FER: variants seen among roughly 807,000 people sequenced by gnomAD.
FER encodes the protein tyrosine-protein kinase Fer.
In FER, 63 loss-of-function variants were observed where a neutral mutation model predicts 111.0. That is an observed-to-expected ratio of 0.57 (90% CI 0.46 to 0.70). FER has a LOEUF of 0.70. FER is among the 30% of genes least tolerant of loss of function. The probability of loss-of-function intolerance (pLI) is 0.00; values close to 1 mark genes in which losing one functional copy is unlikely to be tolerated. For missense variants in FER, 914 were observed against 954.0 expected (o/e 0.96, Z 0.55); for synonymous variants, 327 against 313.9 (o/e 1.04, Z -0.44).
chr5:109,014,150 C>T (rs1352129468), intron 13 of FER, among the ~76,000 whole-genome samples: 1 of 151,246 alleles, frequency 6.6e-6, no homozygotes, highest in Non-Finnish European at 1.5e-5. Flanking sequence ...GACATGAAGT[C>T]CTTGCCCATG....
At chr5:108,978,684 C>G (rs1256653388) in intron 13 of FER, among the ~76,000 whole-genome samples, 1 of 152,064 alleles carries the variant, frequency 6.6e-6, no homozygotes, top group Non-Finnish European at 1.5e-5. Flanking sequence ...AATAAATATG[C>G]GTTGAGAGAA....
intron 9 of FER, among the ~76,000 whole-genome samples, chr5:108,892,632 A>G (rs922822813): frequency 2.0e-5 from 3 of 151,974 alleles, no homozygotes; most frequent in Admixed American, 6.6e-5. Flanking sequence ...GTTCACTCTG[A>G]TGGTAGTTTC....
intron 17 of FER, among the ~76,000 whole-genome samples, chr5:109,166,098 G>A (rs772459344): frequency 7.2e-5 from 11 of 151,878 alleles, no homozygotes; most frequent in Non-Finnish European, 1.3e-4. Context: ...GCACAACATT[G>A]GGACCAACCC....
chr5:108,887,840 C>G lies in FER; in HGVS notation c.1046+4322C>G, dbSNP rs374073553. 5.9e-5 allele frequency among the ~76,000 whole-genome samples: 9 copies of G among 151,700 alleles called. No individual in the cohort carries two copies. In the East Asian group the frequency reaches 1.4e-3, roughly 23 times the overall value. On this transcript the variant is annotated intron_variant, in intron 9 of 19. Coordinates refer to ENST00000281092, the MANE Select transcript of FER (RefSeq NM_005246.4). ...AGAAAAAAGTTATGGGAAAAAATAC[C>G]AAGCATATGTCATTTATGACTTGGT...
intron 1 of FER, among the ~76,000 whole-genome samples, chr5:108,767,498 G>C (rs1348970160): frequency 6.6e-6 from 1 of 151,986 alleles, no homozygotes; most frequent in African/African-American, 2.4e-5. Context: ...AGACTTTTTC[G>C]GTTTTTGAGA....
chr5:109,118,976 T>G (rs1349599207), intron 17 of FER, among the ~76,000 whole-genome samples: 2 of 152,048 alleles, frequency 1.3e-5, no homozygotes, highest in African/African-American at 4.8e-5. Context: ...ATTCATTGAT[T>G]TTTTTGAAGG....
At chr5:109,180,279 G>C (rs1758147942) in intron 17 of FER, among the ~76,000 whole-genome samples, 1 of 152,176 alleles carries the variant, frequency 6.6e-6, no homozygotes, top group Non-Finnish European at 1.5e-5. Flanking sequence ...AGTCTACTCA[G>C]TATCTACTAG....
intron 2 of FER, among the ~76,000 whole-genome samples, chr5:108,793,519 C>CGGCGG (rs1554065855): frequency 2.9e-5 from 3 of 103,156 alleles, no homozygotes; most frequent in African/African-American, 4.4e-5. Flanking sequence ...TTTGGCGGGG[C>CGGCGG]GGGGGGGGTG....
chr5:108,861,527 A>G (rs943212464), intron 5 of FER, among the ~76,000 whole-genome samples: 3 of 152,196 alleles, frequency 2.0e-5, no homozygotes, highest in African/African-American at 7.2e-5. Context: ...GTTGATTGAC[A>G]TGTAGAACAC....
intron 5 of FER, among the ~76,000 whole-genome samples, chr5:108,865,971 C>T (rs1415802666): frequency 6.6e-6 from 1 of 152,184 alleles, no homozygotes; most frequent in Non-Finnish European, 1.5e-5. Flanking sequence ...AATAGGAACA[C>T]TTTTACACTG....
chr5:109,170,588 G>A (rs566034680), intron 17 of FER, among the ~76,000 whole-genome samples: 1 of 152,262 alleles, frequency 6.6e-6, no homozygotes, highest in African/African-American at 2.4e-5. Context: ...AGGGATAATA[G>A]GTTAAGTTCC....
At chr5:109,170,891 G>A (rs545040414) in intron 17 of FER, among the ~76,000 whole-genome samples, 4 of 152,270 alleles carry the variant, frequency 2.6e-5, no homozygotes, top group Admixed American at 6.5e-5. Flanking sequence ...GCTAGTTACA[G>A]GAAGACAGTG....
At chr5:108,885,798 G>T (rs73781908) in intron 9 of FER, among the ~76,000 whole-genome samples, 2 of 151,898 alleles carry the variant, frequency 1.3e-5, no homozygotes, top group Admixed American at 1.3e-4. Flanking sequence ...AATGGGAATC[G>T]ATGAGCCCTG....
intron 5 of FER, among the ~76,000 whole-genome samples, chr5:108,854,332 A>T (rs1270472091): frequency 6.6e-6 from 1 of 152,198 alleles, no homozygotes; most frequent in African/African-American, 2.4e-5. Context: ...CGACCATTAT[A>T]CTTCGGCACT....
Position 108,832,844 on chromosome 5 carries a change from TG to T in FER, c.284del (p.Gly95AspfsTer8), listed in dbSNP as rs1356439268. On this transcript the variant is annotated frameshift_variant, in exon 4 of 20. Coordinates refer to ENST00000281092, the MANE Select transcript of FER (RefSeq NM_005246.4). LOFTEE classifies it high-confidence loss of function. ...MKTHAEDLNS[G>X]PLHRLTMMIK... ...AGACACATGCAGAGGACTTGAACTC[TG>T]GACCTTTACACAGGCTCACCATGAT... 6.2e-7 allele frequency: 1 copy of T among 1,609,662 alleles called. No homozygotes were observed. The highest frequency in any genetic ancestry group is 1.1e-5 in the South Asian group (1 of 90,516).
intron 13 of FER, among the ~76,000 whole-genome samples, chr5:108,999,609 A>G (rs1056688887): frequency 9.2e-5 from 14 of 152,040 alleles, no homozygotes; most frequent in African/African-American, 1.9e-4. Context: ...ATTTTATTAG[A>G]TGTTGCTAAG....
intron 13 of FER, among the ~76,000 whole-genome samples, chr5:108,971,182 G>A (rs73211549): frequency 0.14 from 20,573 of 148,110 alleles, 2,061 homozygotes; most frequent in African/African-American, 0.28. Context: ...GTTAAAATAG[G>A]AGTAGAAACA....
chr5:109,183,294 G>C (rs1582433188), intron 18 of FER, among the ~76,000 whole-genome samples: 1 of 131,140 alleles, frequency 7.6e-6, no homozygotes, highest in South Asian at 2.5e-4. Context: ...TGTTGCCCAG[G>C]CTGGAGCGCA....
rs1358161736 is a variant in FER, at chr5:109,187,580, A to G, written c.*5A>G. The G allele has an allele frequency of 6.2e-7, 1 of 1,614,098 alleles. No homozygotes were observed. The highest frequency in any genetic ancestry group is 1.1e-5 in the South Asian group (1 of 91,066). ...ATCAAGAGAAAACTCACATAGTGAC[A>G]GGATGGCGCCAAACTCAGCCTTCAG... On this transcript the variant is annotated 3_prime_UTR_variant, in exon 20 of 20. Transcript: ENST00000281092.
Sources: allele counts gnomAD v4.1 joint callset (sites outside exome capture counted in the v4.1 genomes callset), GRCh38; gene constraint gnomAD v4.1.1; transcripts MANE v1.5; gene names NCBI Gene and HGNC (gene_info 2026-07-23, HGNC 2026-07-21).